ACTR3: variants seen among roughly 807,000 people sequenced by gnomAD.
The protein encoded by ACTR3 is actin related protein 3.
In ACTR3, 12 loss-of-function variants were observed where a neutral mutation model predicts 56.8. The ratio of observed to expected loss-of-function variants is 0.21; its 90% CI spans 0.14 to 0.34. The LOEUF is 0.34. Ranked by LOEUF, ACTR3 falls within the 10% of genes least tolerant of loss-of-function variation. The probability of loss-of-function intolerance (pLI) is 1.00; values close to 1 mark genes in which losing one functional copy is unlikely to be tolerated. For synonymous variants in ACTR3, 162 were observed against 167.4 expected (o/e 0.97, Z 0.25); for missense variants, 282 against 512.5 (o/e 0.55, Z 4.34).
chr2:113,894,980 C>G (rs532297467), intron 1 of ACTR3, among the ~76,000 whole-genome samples: 2 of 149,788 alleles, frequency 1.3e-5, no homozygotes, highest in East Asian at 3.9e-4. Context: ...AGAACTCTTA[C>G]AAAAAAAAAT....
chr2:113,890,158 C>G lies in ACTR3; in HGVS notation c.-122C>G, dbSNP rs1678855815. 1.5e-6 allele frequency: 2 copies of G among 1,333,822 alleles called. No individual in the cohort carries two copies. The highest frequency in any genetic ancestry group is 4.0e-5 in the Admixed American group (2 of 49,840). The allele number at this position is 1,333,822 out of a possible 1,614,324, so 82.6% of individuals were successfully genotyped here. On this transcript the variant is annotated 5_prime_UTR_variant, in exon 1 of 12. Transcript: ENST00000263238. ...TACTGCTTCGGCTTCCCGGCTACCC[C>G]CCGGACGGTGAAGGCGGCCCAGCTG...
intron 1 of ACTR3, among the ~76,000 whole-genome samples, chr2:113,912,513 G>GT (rs1384098925): frequency 6.6e-6 from 1 of 152,096 alleles, no homozygotes; most frequent in African/African-American, 2.4e-5. Flanking sequence ...TTTTTGAATA[G>GT]TAATTAATTT....
At chr2:113,952,035 T>C (rs1680129671) in intron 10 of ACTR3, 190 bp downstream of exon 10, 2 of 760,894 alleles carry the variant, frequency 2.6e-6, no homozygotes, top group South Asian at 3.0e-5. Context: ...GGATATTGTC[T>C]GTATTTCTGG....
intron 1 of ACTR3, chr2:113,890,779 G>T: frequency 5.9e-6 from 6 of 1,013,708 alleles, no homozygotes; most frequent in Non-Finnish European, 7.1e-6. Flanking sequence ...AGCGCTCCTG[G>T]TAGGTTTGAC....
chr2:113,931,492 G>A, intron 5 of ACTR3, 96 bp downstream of exon 5: 1 of 661,936 alleles, frequency 1.5e-6, no homozygotes, highest in Non-Finnish European at 2.4e-6. Context: ...TTCTGCAAAG[G>A]TTTAAACATA....
At chr2:113,906,899 G>A (rs558066514) in intron 1 of ACTR3, among the ~76,000 whole-genome samples, 86 of 152,108 alleles carry the variant, frequency 5.7e-4, no homozygotes, top group African/African-American at 1.9e-3. Flanking sequence ...CTCCAACTTT[G>A]TTCTTTTTCA....
chr2:113,908,965 C>T (rs1354436556), intron 1 of ACTR3, among the ~76,000 whole-genome samples: 1 of 152,220 alleles, frequency 6.6e-6, no homozygotes, highest in Non-Finnish European at 1.5e-5. Flanking sequence ...TATTTCCCCT[C>T]ATATTTTTTA....
At chr2:113,957,219 C>T in intron 11 of ACTR3, 141 bp from the exon 12 acceptor site, 1 of 555,028 alleles carries the variant, frequency 1.8e-6, no homozygotes, top group Non-Finnish European at 3.1e-6. Flanking sequence ...AATTTCTAAG[C>T]TTTCATGCCA....
At chr2:113,907,971 TC>T (rs34989911) in intron 1 of ACTR3, among the ~76,000 whole-genome samples, 14,351 of 69,170 alleles carry the variant, frequency 0.21, 1,741 homozygotes, top group African/African-American at 0.38. Context: ...CAAAACTCTG[TC>T]CCCCAAAAAA....
chr2:113,914,529 C>G (rs10194262), intron 2 of ACTR3, among the ~76,000 whole-genome samples: 9 of 148,628 alleles, frequency 6.1e-5, no homozygotes, highest in Non-Finnish European at 1.2e-4. Flanking sequence ...GAGAATCGCT[C>G]GAACCCGGGA....
At chr2:113,932,143 A>C (rs1052751823) in intron 5 of ACTR3, among the ~76,000 whole-genome samples, 1 of 152,220 alleles carries the variant, frequency 6.6e-6, no homozygotes, top group African/African-American at 2.4e-5. Flanking sequence ...ACACAGAATC[A>C]ATAAGTGATA....
At chr2:113,903,293 GGT>G (rs1679134880) in intron 1 of ACTR3, among the ~76,000 whole-genome samples, 1 of 152,018 alleles carries the variant, frequency 6.6e-6, no homozygotes, top group Admixed American at 6.6e-5. Flanking sequence ...ATTCTGCTTG[GGT>G]GTTCTTGAGC....
At chr2:113,929,720 A>C (rs1679684386) in intron 4 of ACTR3, among the ~76,000 whole-genome samples, 1 of 152,010 alleles carries the variant, frequency 6.6e-6, no homozygotes, top group African/African-American at 2.4e-5. Flanking sequence ...TCTGTCACCC[A>C]GGCTGGAGTG....
At chr2:113,941,095 C>T (rs1220483673) in intron 7 of ACTR3, among the ~76,000 whole-genome samples, 4 of 152,040 alleles carry the variant, frequency 2.6e-5, no homozygotes, top group Non-Finnish European at 5.9e-5. Context: ...TGTGAGTCAC[C>T]ATGCCTGGGC....
intron 3 of ACTR3, among the ~76,000 whole-genome samples, chr2:113,926,653 C>A (rs751566952): frequency 1.8e-4 from 28 of 152,114 alleles, no homozygotes; most frequent in Non-Finnish European, 7.4e-5. Context: ...TGCCTTCAAC[C>A]CTCTGGAGAA....
chr2:113,924,570 T>C (rs565415593), intron 3 of ACTR3, among the ~76,000 whole-genome samples: 58 of 152,346 alleles, frequency 3.8e-4, no homozygotes, highest in African/African-American at 1.3e-3. Context: ...TTATTTCTTA[T>C]AGAATAAAAC....
chr2:113,894,957 T>C (rs1678977730), intron 1 of ACTR3, among the ~76,000 whole-genome samples: 1 of 151,290 alleles, frequency 6.6e-6, no homozygotes, highest in Non-Finnish European at 1.5e-5. Context: ...AAGTTAACTG[T>C]ATTTCTGTTT....
At chr2:113,902,783 A>T (rs1268021010) in intron 1 of ACTR3, among the ~76,000 whole-genome samples, 2 of 152,094 alleles carry the variant, frequency 1.3e-5, no homozygotes, top group Non-Finnish European at 2.9e-5. Flanking sequence ...TATTTTTAGT[A>T]GAGATGGGGT....
rs1478354978 is a variant in ACTR3, at chr2:113,957,599, A to G, written c.*144A>G. 5 of 598,888 alleles carry G rather than the reference A, an allele frequency of 8.3e-6. No individual in the cohort carries two copies. The highest frequency in any genetic ancestry group is 2.1e-5 in the South Asian group (1 of 46,608). The allele number at this position is 598,888 out of a possible 1,614,324, so 37.1% of individuals were successfully genotyped here. On this transcript the variant is annotated 3_prime_UTR_variant, in exon 12 of 12. Transcript: ENST00000263238. ...AACATGATTATACAGGAATATTTTA[A>G]TAAGTGTATCACCATGCAGATGTAG...
Sources: allele counts gnomAD v4.1 joint callset (sites outside exome capture counted in the v4.1 genomes callset), GRCh38; gene constraint gnomAD v4.1.1; transcripts MANE v1.5; gene names NCBI Gene and HGNC (gene_info 2026-07-23, HGNC 2026-07-21).